The following DDHD1 variants were observed in gnomAD, a reference collection of about 807,000 sequenced individuals.
DDHD1 encodes the protein DDHD domain containing 1, also known as phospholipase DDHD1.
Under a neutral mutation model 96.4 loss-of-function variants are expected in DDHD1, and 49 were observed. The observed-to-expected ratio is 0.51, with a 90% CI of 0.40 to 0.64. DDHD1 has a LOEUF of 0.64. DDHD1 is among the 30% of genes least tolerant of loss of function. The pLI is 0.00. For missense variants in DDHD1, 1,106 were observed against 1,161.2 expected (o/e 0.95, Z 0.69); for synonymous variants, 442 against 446.5 (o/e 0.99, Z 0.13).
chr14:53,055,121 T>C (rs1272346283), intron 10 of DDHD1, among the ~76,000 whole-genome samples: 6 of 152,214 alleles, frequency 3.9e-5, no homozygotes, highest in Non-Finnish European at 8.8e-5. Flanking sequence ...TAAGGCAACT[T>C]GTAACCAAAG....
intron 1 of DDHD1, among the ~76,000 whole-genome samples, chr14:53,119,003 A>G (rs1888772129): frequency 6.6e-6 from 1 of 152,192 alleles, no homozygotes; most frequent in Non-Finnish European, 1.5e-5. Flanking sequence ...AGTGGGGGCC[A>G]ATATTCAACA....
chr14:53,103,325 T>G, intron 2 of DDHD1: 1 of 375,634 alleles, frequency 2.7e-6, no homozygotes, highest in Non-Finnish European at 4.7e-6. Flanking sequence ...CATTGAAATA[T>G]TAATGAAACT....
At chr14:53,072,084 C>T (rs1294392007) in intron 6 of DDHD1, among the ~76,000 whole-genome samples, 1 of 152,024 alleles carries the variant, frequency 6.6e-6, no homozygotes, top group Non-Finnish European at 1.5e-5. Flanking sequence ...TTAGTTATTC[C>T]TACTAAACAG....
intron 1 of DDHD1, among the ~76,000 whole-genome samples, chr14:53,104,957 C>G (rs1887577624): frequency 6.6e-6 from 1 of 151,828 alleles, no homozygotes; most frequent in Non-Finnish European, 1.5e-5. Flanking sequence ...ACATCTTAAA[C>G]CTTTTGCAAT....
chr14:53,073,400 T>C (rs1009480896), intron 5 of DDHD1, among the ~76,000 whole-genome samples: 9 of 151,590 alleles, frequency 5.9e-5, no homozygotes, highest in African/African-American at 2.2e-4. Flanking sequence ...GGAAAACAAA[T>C]ATTTTTAAAG....
chr14:53,143,206 C>T (rs975817889), intron 1 of DDHD1, among the ~76,000 whole-genome samples: 1 of 152,164 alleles, frequency 6.6e-6, no homozygotes, highest in Non-Finnish European at 1.5e-5. Context: ...ATCCAGTGGT[C>T]CTTAACATTC....
In DDHD1 at chr14:53,103,716, T is replaced by TG; in HGVS notation, c.978_979insC (p.Ile327HisfsTer2). 1 of 1,613,006 alleles carries TG rather than the reference T, an allele frequency of 6.2e-7. No individual in the cohort carries two copies. Among genetic ancestry groups the TG allele is most frequent in the South Asian group, 1.1e-5 (1 of 90,850 alleles). ...CCATCTATGGATTTTGACACTTCAA[T>TG]ATCGAAATTTTCCTGCATCTGCTGG... On this transcript the variant is annotated frameshift_variant, in exon 2 of 13. Transcript: ENST00000673822. LOFTEE classifies it high-confidence loss of function.
intron 1 of DDHD1, among the ~76,000 whole-genome samples, chr14:53,138,906 A>G (rs531370325): frequency 6.6e-6 from 1 of 152,092 alleles, no homozygotes; most frequent in Non-Finnish European, 1.5e-5. Context: ...TTCATAGTGC[A>G]GGGTTGGGAG....
rs540921009 is a variant in DDHD1 at position 53,057,094 on chromosome 14, CTTATA to C, written c.1993-1187_1993-1183del. Reference sequence around the variant, plus strand: ...AGGATTGTGCAGTTTGTATTTGAATCTTATATTAAACTTCCAGTTCAGTGAAGTTA... The same window carrying C: ...AGGATTGTGCAGTTTGTATTTGAATCTTAAACTTCCAGTTCAGTGAAGTTA... On this transcript the variant is annotated intron_variant, in intron 9 of 12. Coordinates refer to ENST00000673822, the MANE Select transcript of DDHD1 (RefSeq NM_001160148.2). Among the ~76,000 whole-genome samples, 28 of 152,242 alleles carry C rather than the reference CTTATA, an allele frequency of 1.8e-4. No homozygotes were observed. In the East Asian group the frequency reaches 5.4e-3, roughly 29 times the overall value.
chr14:53,060,401 T>G (rs950187376), intron 8 of DDHD1, among the ~76,000 whole-genome samples: 1 of 152,214 alleles, frequency 6.6e-6, no homozygotes, highest in African/African-American at 2.4e-5. Context: ...GTTCCTTATT[T>G]CTAGCTATTC....
At position 53,039,480 on chromosome 14, in the gene DDHD1, G is replaced by C. The variant is rs1881492150; in HGVS notation, c.*7288C>G. On this transcript the variant is annotated 3_prime_UTR_variant, in exon 13 of 13. Coordinates refer to ENST00000673822, the MANE Select transcript of DDHD1 (RefSeq NM_001160148.2). ...TCTTGACCATGGTACAGACAGTGCT[G>C]ATTGAGCTGCTGGTGCTTACAGGGA... 1 of 152,248 alleles carries C rather than the reference G, an allele frequency of 6.6e-6. No individual in the cohort carries two copies. The highest frequency in any genetic ancestry group is 6.6e-5 in the Admixed American group (1 of 15,266). The allele number at this position is 152,248 out of a possible 1,614,324, so 9.4% of individuals were successfully genotyped here.
rs769599934 is a variant in DDHD1, at chr14:53,153,120, G to A, written c.-22C>T. 1.4e-4 allele frequency: 187 copies of A among 1,368,426 alleles called. No individual in the cohort carries two copies. The highest frequency in any genetic ancestry group is 1.6e-4 in the Non-Finnish European group (172 of 1,070,504). 84.8% of individuals were successfully genotyped at this position (1,368,426 alleles called of 1,614,324 possible). On this transcript the variant is annotated 5_prime_UTR_variant, in exon 1 of 13. Coordinates refer to ENST00000673822, the MANE Select transcript of DDHD1 (RefSeq NM_001160148.2). ...TCATGCTGTGGAGACGCCGCCGGCT[G>A]TCCGGCGGCGCGCGGAGCCGTGACC... is the stretch of plus-strand genomic sequence containing the variant.
rs1312004804 is a variant in DDHD1 at position 53,091,913 on chromosome 14, T to A, written c.1161A>T (p.Arg387Ser). 1 of 1,609,606 alleles carries A rather than the reference T, an allele frequency of 6.2e-7. No individual in the cohort carries two copies. The highest frequency in any genetic ancestry group is 8.5e-7 in the Non-Finnish European group (1 of 1,177,192). ...CTTCTTCTACATAACCTCTATGAAGTCTGGTACCACTACTTGATGCTGTAG... is the reference window on the plus strand; with the variant it reads ...CTTCTTCTACATAACCTCTATGAAGACTGGTACCACTACTTGATGCTGTAG... ...GFSKASSSGT[R>S]LHRGYVEEAT... Residue 387 changes from arginine (R) to serine (S), a missense_variant, in exon 4 of 13, where the codon AGA (arginine) becomes AGT (serine). Coordinates refer to ENST00000673822, the MANE Select transcript of DDHD1 (RefSeq NM_001160148.2).
At chr14:53,047,876 A>G (rs536714768) in intron 12 of DDHD1, among the ~76,000 whole-genome samples, 1 of 152,344 alleles carries the variant, frequency 6.6e-6, no homozygotes, top group African/African-American at 2.4e-5. Flanking sequence ...AATGAGCCGT[A>G]CAGTGTTCTG....
At chr14:53,144,314 AGC>A (rs1890835535) in intron 1 of DDHD1, among the ~76,000 whole-genome samples, 1 of 152,260 alleles carries the variant, frequency 6.6e-6, no homozygotes, top group Admixed American at 6.5e-5. Flanking sequence ...GAGAATGTTA[AGC>A]AAAGGCAAGT....
intron 6 of DDHD1, among the ~76,000 whole-genome samples, chr14:53,065,277 T>C (rs1883925967): frequency 6.6e-6 from 1 of 152,192 alleles, no homozygotes; most frequent in Non-Finnish European, 1.5e-5. Context: ...AGTCCTTTGT[T>C]CTCCCTGCTT....
chr14:53,105,647 T>G (rs1039320237), intron 1 of DDHD1, among the ~76,000 whole-genome samples: 22 of 152,204 alleles, frequency 1.4e-4, no homozygotes, highest in Admixed American at 1.2e-3. Flanking sequence ...ATCATATACA[T>G]TCCTTTATTT....
Position 53,072,617 on chromosome 14 carries a change from T to G in DDHD1, c.1483A>C (p.Ser495Arg), listed in dbSNP as rs751961442. 1 of 1,587,338 alleles carries G rather than the reference T, an allele frequency of 6.3e-7. No individual in the cohort carries two copies. The highest frequency in any genetic ancestry group is 8.6e-7 in the Non-Finnish European group (1 of 1,163,492). Residue 495 changes from serine (S) to arginine (R), a missense_variant, in exon 6 of 13, where the codon AGT becomes CGT. By Grantham distance (110) the Ser-to-Arg change is moderately radical. Coordinates refer to ENST00000673822, the MANE Select transcript of DDHD1 (RefSeq NM_001160148.2). ...CTTACTTCATCTCTATAAAGTGGAC[T>G]AGTATAATACATTATGTCCATTGCA... Reference protein sequence around the residue: ...SSAMDIMYYTSPLYRDELVKG... With the variant: ...SSAMDIMYYTRPLYRDELVKG...
intron 1 of DDHD1, among the ~76,000 whole-genome samples, chr14:53,148,517 T>C (rs10138839): frequency 0.031 from 4,778 of 151,702 alleles, 245 homozygotes; most frequent in African/African-American, 0.11. Context: ...TTCACCATGT[T>C]GGCCAGGCTG....
Sources: allele counts gnomAD v4.1 joint callset (sites outside exome capture counted in the v4.1 genomes callset), GRCh38; gene constraint gnomAD v4.1.1; transcripts MANE v1.5; gene names NCBI Gene and HGNC (gene_info 2026-07-23, HGNC 2026-07-21).